PRPSAP2: variants seen among roughly 807,000 people sequenced by gnomAD.
The protein encoded by PRPSAP2 is phosphoribosyl pyrophosphate synthetase associated protein 2.
PRPSAP2 carries 24 observed loss-of-function variants against 40.6 expected under a neutral mutation model. The ratio of observed to expected loss-of-function variants is 0.59; its 90% CI spans 0.43 to 0.83. The LOEUF is 0.83. PRPSAP2 is among the 40% of genes least tolerant of loss of function. The pLI, the probability that PRPSAP2 is intolerant of heterozygous loss-of-function variation, is 0.00. For missense variants in PRPSAP2, 292 were observed against 465.6 expected (o/e 0.63, Z 3.43); for synonymous variants, 149 against 164.7 (o/e 0.90, Z 0.73).
intron 9 of PRPSAP2, among the ~76,000 whole-genome samples, chr17:18,916,192 T>A (rs535250369): frequency 3.3e-5 from 5 of 152,140 alleles, no homozygotes; most frequent in Non-Finnish European, 5.9e-5. Context: ...GAGCTCCCCT[T>A]TACGGTCTGT....
At chr17:18,885,120 G>T (rs1440787080) in intron 7 of PRPSAP2, among the ~76,000 whole-genome samples, 1 of 152,128 alleles carries the variant, frequency 6.6e-6, no homozygotes, top group Non-Finnish European at 1.5e-5. Flanking sequence ...AGAAGTCAGG[G>T]CTGAGTGTGG....
At chr17:18,858,658 C>T (rs1434573354) in intron 1 of PRPSAP2, 1 of 152,226 alleles carries the variant, frequency 6.6e-6, no homozygotes, top group East Asian at 1.9e-4. Flanking sequence ...TTGCTAGTTA[C>T]GAATATATCT....
intron 7 of PRPSAP2, among the ~76,000 whole-genome samples, chr17:18,886,409 G>A (rs1273475340): frequency 6.6e-6 from 1 of 151,298 alleles, no homozygotes; most frequent in African/African-American, 2.4e-5. Context: ...AGGCTGGAGT[G>A]CAGTGGCGCA....
rs11271940 is a variant in PRPSAP2 at position 18,897,453 on chromosome 17, GTGT to G, written c.584+7599_584+7601del. ...TCTAGAGTGGTGCTTCTCTATAGTG[GTGT>G]TGTTGTTGTTGTTGTTGTTGTTTAG... On this transcript the variant is annotated intron_variant, in intron 8 of 11. Transcript: ENST00000268835. 8.0e-5 allele frequency among the ~76,000 whole-genome samples: 12 copies of G among 150,598 alleles called. 1 individual carries two copies. Among genetic ancestry groups the G allele is most frequent in the South Asian group, 6.3e-4 (3 of 4,748 alleles).
At chr17:18,912,486 A>G (rs941137643) in intron 9 of PRPSAP2, among the ~76,000 whole-genome samples, 3 of 152,174 alleles carry the variant, frequency 2.0e-5, no homozygotes, top group Non-Finnish European at 4.4e-5. Context: ...CGTGCAAAAT[A>G]CATTCATTCT....
chr17:18,867,017 C>T (rs1276513494), intron 3 of PRPSAP2, among the ~76,000 whole-genome samples: 6 of 151,842 alleles, frequency 4.0e-5, no homozygotes, highest in South Asian at 2.1e-4. Flanking sequence ...GTCTCAGGAA[C>T]GTGGGCTGGA....
At chr17:18,908,222 C>CG in intron 8 of PRPSAP2, 1 of 700,032 alleles carries the variant, frequency 1.4e-6, no homozygotes. Context: ...GAGCCAGCGA[C>CG]GGGAGGCCTT....
intron 7 of PRPSAP2, among the ~76,000 whole-genome samples, chr17:18,887,171 G>A (rs1165351686): frequency 6.6e-6 from 1 of 150,932 alleles, no homozygotes; most frequent in Admixed American, 6.6e-5. Context: ...CCAAACTCAG[G>A]TTATCCACCC....
chr17:18,874,475 T>C (rs1043373350), intron 5 of PRPSAP2, among the ~76,000 whole-genome samples: 1 of 152,178 alleles, frequency 6.6e-6, no homozygotes, highest in African/African-American at 2.4e-5. Context: ...ATTTTGAACA[T>C]TTTCTCTCCT....
At chr17:18,891,495 C>A (rs1230115857) in intron 8 of PRPSAP2, among the ~76,000 whole-genome samples, 1 of 152,162 alleles carries the variant, frequency 6.6e-6, no homozygotes, top group Non-Finnish European at 1.5e-5. Flanking sequence ...GTAAACATTT[C>A]AAATAGCTTT....
At chr17:18,907,889 C>T (rs2040694588) in intron 8 of PRPSAP2, among the ~76,000 whole-genome samples, 1 of 152,162 alleles carries the variant, frequency 6.6e-6, no homozygotes, top group African/African-American at 2.4e-5. Context: ...GTATTCCCAA[C>T]ACTTTGGGAT....
intron 8 of PRPSAP2, among the ~76,000 whole-genome samples, chr17:18,902,161 G>A (rs2040307807): frequency 6.6e-6 from 1 of 152,100 alleles, no homozygotes; most frequent in South Asian, 2.1e-4. Flanking sequence ...CATCTGGGTG[G>A]ACTTTTAGTA....
At chr17:18,864,313 A>G (rs183290371) in intron 1 of PRPSAP2, among the ~76,000 whole-genome samples, 1,846 of 148,000 alleles carry the variant, frequency 0.012, 34 homozygotes, top group African/African-American at 0.044. Context: ...TTTTTTTCTG[A>G]GACGGAGTCT....
In PRPSAP2 at chr17:18,871,667, T is replaced by C. The variant is rs1183519853; in HGVS notation, c.173-916T>C. ...TATATAATTTTCTTTTTTTTTTTTTTTTTTTTTTTTGAGACGGAGTTTCGC... is the reference window on the plus strand; with the variant it reads ...TATATAATTTTCTTTTTTTTTTTTTCTTTTTTTTTTGAGACGGAGTTTCGC... On this transcript the variant is annotated intron_variant, in intron 4 of 11. Transcript: ENST00000268835. Among the ~76,000 whole-genome samples, 590 of 150,306 alleles carry C rather than the reference T, an allele frequency of 3.9e-3. 5 individuals are homozygous for C. The highest frequency in any genetic ancestry group is 0.014 in the African/African-American group (559 of 41,154).
At chr17:18,903,645 G>A (rs1262524746) in intron 8 of PRPSAP2, among the ~76,000 whole-genome samples, 1 of 151,996 alleles carries the variant, frequency 6.6e-6, no homozygotes, top group Admixed American at 6.5e-5. Flanking sequence ...GAGGTGGGAG[G>A]ATCACTTCAG....
At chr17:18,868,383 G>A (rs538373116) in intron 4 of PRPSAP2, among the ~76,000 whole-genome samples, 9 of 152,106 alleles carry the variant, frequency 5.9e-5, no homozygotes, top group African/African-American at 1.9e-4. Context: ...GCTGAGGCAG[G>A]AGAATCGCTT....
chr17:18,883,204 C>A (rs1356990148), intron 7 of PRPSAP2, among the ~76,000 whole-genome samples: 1 of 152,034 alleles, frequency 6.6e-6, no homozygotes, highest in Non-Finnish European at 1.5e-5. Context: ...TGGAGATGAT[C>A]ATTTTTTTTC....
intron 3 of PRPSAP2, among the ~76,000 whole-genome samples, chr17:18,866,284 G>A (rs2037419751): frequency 2.0e-5 from 3 of 152,096 alleles, no homozygotes; most frequent in South Asian, 2.1e-4. Flanking sequence ...GCACACTGGG[G>A]CCAGGCGCGG....
chr17:18,921,338 G>A (rs1454732471), intron 9 of PRPSAP2, among the ~76,000 whole-genome samples: 1 of 152,102 alleles, frequency 6.6e-6, no homozygotes, highest in Admixed American at 6.5e-5. Flanking sequence ...AAGGCTTTTT[G>A]TCAAATTGAT....
Sources: gnomAD v4.1 joint callset for allele counts (sites outside exome capture counted in the v4.1 genomes callset) on GRCh38, gnomAD v4.1.1 for gene constraint, MANE v1.5 for transcripts, NCBI Gene and HGNC (gene_info 2026-07-23, HGNC 2026-07-21) for gene names.